The following SYN3 variants were observed in gnomAD, a reference collection of about 807,000 sequenced individuals.
The protein encoded by SYN3 is synapsin-3.
SYN3 carries 35 observed loss-of-function variants against 65.8 expected under a neutral mutation model. The observed-to-expected ratio is 0.53, with a 90% CI of 0.41 to 0.70. SYN3 has a LOEUF of 0.70. SYN3 is among the 30% of genes least tolerant of loss of function. The probability of loss-of-function intolerance (pLI) is 0.00; values close to 1 mark genes in which losing one functional copy is unlikely to be tolerated. For missense variants in SYN3, 680 were observed against 749.0 expected (o/e 0.91, Z 1.08); for synonymous variants, 270 against 292.9 (o/e 0.92, Z 0.80).
chr22:33,041,550 G>A (rs887281909), intron 1 of SYN3, among the ~76,000 whole-genome samples: 1 of 151,912 alleles, frequency 6.6e-6, no homozygotes, highest in Non-Finnish European at 1.5e-5. Context: ...CGCCCGTCTC[G>A]GCCTCCCAAA....
chr22:32,804,997 C>G (rs1204612989), intron 6 of SYN3, among the ~76,000 whole-genome samples: 1 of 147,208 alleles, frequency 6.8e-6, no homozygotes, highest in Non-Finnish European at 1.5e-5. Context: ...TGGGCTGTGC[C>G]AAGGGCTTTC....
intron 6 of SYN3, among the ~76,000 whole-genome samples, chr22:32,666,083 A>G (rs2060285897): frequency 6.6e-6 from 1 of 152,088 alleles, no homozygotes; most frequent in Admixed American, 6.5e-5. Context: ...CCTCACACCC[A>G]ATCCATGAGC....
chr22:32,570,535 G>T (rs1301871213), intron 7 of SYN3, among the ~76,000 whole-genome samples: 1 of 151,216 alleles, frequency 6.6e-6, no homozygotes, highest in African/African-American at 2.4e-5. Context: ...AGATCTGGGA[G>T]TAGGGAAAGG....
At chr22:32,928,324 C>T (rs748985767) in intron 4 of SYN3, among the ~76,000 whole-genome samples, 23 of 151,448 alleles carry the variant, frequency 1.5e-4, no homozygotes, top group Non-Finnish European at 3.1e-4. Flanking sequence ...AGCGAGACTC[C>T]GTCTCAAAAA....
chr22:32,876,292 C>T (rs1359162809), intron 4 of SYN3, among the ~76,000 whole-genome samples: 1 of 152,124 alleles, frequency 6.6e-6, no homozygotes, highest in African/African-American at 2.4e-5. Context: ...GACTTAATCA[C>T]CTCCTAATGG....
intron 6 of SYN3, among the ~76,000 whole-genome samples, chr22:32,656,142 C>T (rs1473229333): frequency 1.3e-5 from 2 of 152,222 alleles, no homozygotes; most frequent in Non-Finnish European, 2.9e-5. Flanking sequence ...CATAATACTA[C>T]CGTCTACTGT....
intron 2 of SYN3, among the ~76,000 whole-genome samples, chr22:33,001,847 G>A (rs993593621): frequency 1.4e-4 from 22 of 152,176 alleles, no homozygotes; most frequent in African/African-American, 5.1e-4. Context: ...GCCTAGCTCT[G>A]ATGTCTGTAT....
intron 6 of SYN3, among the ~76,000 whole-genome samples, chr22:32,803,273 G>A (rs1164288196): frequency 1.3e-5 from 2 of 152,032 alleles, no homozygotes; most frequent in Non-Finnish European, 2.9e-5. Flanking sequence ...TCATAAAGGA[G>A]AAGGAAATTT....
At chr22:32,974,556 A>G (rs2052124424) in intron 3 of SYN3, among the ~76,000 whole-genome samples, 1 of 152,104 alleles carries the variant, frequency 6.6e-6, no homozygotes, top group Non-Finnish European at 1.5e-5. Context: ...CCTTACTCCA[A>G]TCCCTTTTCA....
At chr22:32,815,300 C>T (rs1021166456) in intron 6 of SYN3, among the ~76,000 whole-genome samples, 2 of 152,252 alleles carry the variant, frequency 1.3e-5, no homozygotes, top group South Asian at 2.1e-4. Flanking sequence ...AACCCATGTG[C>T]GGTGACACTG....
At chr22:32,719,850 A>C (rs974022306) in intron 6 of SYN3, among the ~76,000 whole-genome samples, 1 of 152,134 alleles carries the variant, frequency 6.6e-6, no homozygotes, top group African/African-American at 2.4e-5. Flanking sequence ...AGAAAAAAAC[A>C]AAAAAAGAGA....
At chr22:33,043,688 G>A (rs9609696) in intron 1 of SYN3, among the ~76,000 whole-genome samples, 26,809 of 152,116 alleles carry the variant, frequency 0.18, 2,658 homozygotes, top group East Asian at 0.41. Context: ...TTTGCTCATC[G>A]TAAAACAGAG....
At chr22:32,883,529 G>A (rs1463342810) in intron 4 of SYN3, among the ~76,000 whole-genome samples, 1 of 152,222 alleles carries the variant, frequency 6.6e-6, no homozygotes, top group Non-Finnish European at 1.5e-5. Flanking sequence ...CACCCAAGGA[G>A]CTCTCAAAAC....
intron 6 of SYN3, among the ~76,000 whole-genome samples, chr22:32,829,558 C>A (rs978703549): frequency 6.6e-6 from 1 of 152,242 alleles, no homozygotes; most frequent in Non-Finnish European, 1.5e-5. Flanking sequence ...CCTCCTGTTT[C>A]GTGAAAAACG....
chr22:32,953,670 G>C (rs545943223), intron 3 of SYN3, among the ~76,000 whole-genome samples: 1 of 152,198 alleles, frequency 6.6e-6, no homozygotes, highest in South Asian at 2.1e-4. Context: ...AAGAAGATGA[G>C]ATCAGAGAGG....
intron 6 of SYN3, among the ~76,000 whole-genome samples, chr22:32,609,071 T>G (rs2059406809): frequency 6.6e-6 from 1 of 152,132 alleles, no homozygotes; most frequent in Non-Finnish European, 1.5e-5. Flanking sequence ...ACACCTGTAA[T>G]CCCAGCACTT....
intron 3 of SYN3, among the ~76,000 whole-genome samples, chr22:32,943,544 G>A (rs528982226): frequency 5.3e-5 from 8 of 152,204 alleles, no homozygotes; most frequent in South Asian, 2.1e-4. Flanking sequence ...ATCAACTAAC[G>A]AGCAAAATAA....
chr22:32,688,112 T>C (rs2060615685), intron 6 of SYN3, among the ~76,000 whole-genome samples: 1 of 152,192 alleles, frequency 6.6e-6, no homozygotes, highest in Non-Finnish European at 1.5e-5. Flanking sequence ...ACTCAATACG[T>C]TGAATGCTGC....
In SYN3 at chr22:33,001,874, T is replaced by A. The variant is rs73162050; in HGVS notation, c.311+4478A>T. Reference sequence around the variant, plus strand: ...TGTCTGTATTCTTAACATTGCACCATACTGCCATTTATTAAGTTCAACCTC... The same window carrying A: ...TGTCTGTATTCTTAACATTGCACCAAACTGCCATTTATTAAGTTCAACCTC... On this transcript the variant is annotated intron_variant, in intron 2 of 13. Transcript: ENST00000358763. 5.8e-3 allele frequency among the ~76,000 whole-genome samples: 886 copies of A among 152,350 alleles called. 7 individuals are homozygous for A. The highest frequency in any genetic ancestry group is 0.028 in the South Asian group (137 of 4,830).
Sources: allele counts gnomAD v4.1 joint callset (sites outside exome capture counted in the v4.1 genomes callset), GRCh38; gene constraint gnomAD v4.1.1; transcripts MANE v1.5; gene names NCBI Gene and HGNC (gene_info 2026-07-23, HGNC 2026-07-21).